The following RAP1A variants were observed in gnomAD, a reference collection of about 807,000 sequenced individuals.
RAP1A encodes ras-related protein Rap-1A.
In RAP1A, 6 loss-of-function variants were observed where a neutral mutation model predicts 26.4. That is an observed-to-expected ratio of 0.23 (90% CI 0.12 to 0.45). RAP1A has a LOEUF of 0.45. Ranked by LOEUF, RAP1A falls within the 20% of genes least tolerant of loss-of-function variation. RAP1A has a pLI of 0.99. For synonymous variants in RAP1A, 73 were observed against 79.4 expected, an observed-to-expected ratio of 0.92 and a Z score of 0.43; for missense variants, 121 against 217.2, an observed-to-expected ratio of 0.56 and a Z score of 2.78.
At chr1:111,663,741 A>G (rs890347016) in intron 1 of RAP1A, among the ~76,000 whole-genome samples, 1 of 152,226 alleles carries the variant, frequency 6.6e-6, no homozygotes, top group South Asian at 2.1e-4. Flanking sequence ...CTTTCATTCA[A>G]TAAATGTTTA....
intron 1 of RAP1A, among the ~76,000 whole-genome samples, chr1:111,595,782 A>G (rs1658554194): frequency 6.6e-6 from 1 of 152,224 alleles, no homozygotes; most frequent in Non-Finnish European, 1.5e-5. Flanking sequence ...TATGAATATC[A>G]TTAAATATTT....
intron 1 of RAP1A, among the ~76,000 whole-genome samples, chr1:111,581,926 T>G (rs958267598): frequency 6.6e-6 from 1 of 152,228 alleles, no homozygotes; most frequent in Non-Finnish European, 1.5e-5. Context: ...CACACTCTGG[T>G]GAGTGAGATA....
intron 1 of RAP1A, among the ~76,000 whole-genome samples, chr1:111,626,485 GT>G (rs911948725): frequency 1.3e-5 from 2 of 152,018 alleles, no homozygotes; most frequent in African/African-American, 4.8e-5. Flanking sequence ...GTCAGAAGTT[GT>G]TTTGTAGAAT....
At position 111,558,961 on chromosome 1, in the gene RAP1A, G is replaced by A. The variant is rs572022682; in HGVS notation, c.-28+16452G>A. Among the ~76,000 whole-genome samples the A allele has an allele frequency of 1.6e-3, 239 of 152,218 alleles. 1 individual carries two copies. Among genetic ancestry groups the A allele is most frequent in the African/African-American group, 5.7e-3 (235 of 41,532 alleles). On this transcript the variant is annotated intron_variant, in intron 1 of 7. Transcript: ENST00000356415. ...ACTTTTATAAAAATCAAGCATATAT[G>A]AGGTCATAAATTATATTCTAACATA...
At chr1:111,707,644 A>G (rs900508346) in intron 6 of RAP1A, among the ~76,000 whole-genome samples, 2 of 152,228 alleles carry the variant, frequency 1.3e-5, no homozygotes, top group Non-Finnish European at 2.9e-5. Flanking sequence ...ATTTTTTAAT[A>G]TACTGCAAAG....
At chr1:111,616,976 T>C (rs1659025117), upstream of RAP1A, among the ~76,000 whole-genome samples, 1 of 152,192 alleles carries the variant, frequency 6.6e-6, no homozygotes, top group Admixed American at 6.5e-5. Context: ...AGCCAGTACA[T>C]ATGGCACTCA....
At chr1:111,577,530 TGATCCCTGATGGTAATTTCTCCATAAACA>T (rs1408286341) in intron 1 of RAP1A, among the ~76,000 whole-genome samples, 5 of 151,632 alleles carry the variant, frequency 3.3e-5, no homozygotes, top group Non-Finnish European at 5.9e-5. Context: ...GTGGTCAAGA[TGATCCCTGATGGTAATTTCTCCATAAACA>T]GATTTTTTTA....
chr1:111,603,007 C>G (rs74666119), intron 1 of RAP1A, among the ~76,000 whole-genome samples: 1,584 of 152,268 alleles, frequency 0.01, 20 homozygotes, highest in African/African-American at 0.036. Flanking sequence ...CAGAGCCCTT[C>G]TTCCCCTCTT....
chr1:111,684,394 C>T (rs1661403169), intron 1 of RAP1A, among the ~76,000 whole-genome samples: 2 of 152,132 alleles, frequency 1.3e-5, no homozygotes, highest in Admixed American at 1.3e-4. Flanking sequence ...TTTAGAAAAC[C>T]CCATCGTCTC....
intron 1 of RAP1A, among the ~76,000 whole-genome samples, chr1:111,549,726 G>GAAT (rs1174571764): frequency 6.6e-6 from 1 of 151,488 alleles, no homozygotes; most frequent in Non-Finnish European, 1.5e-5. Flanking sequence ...ATAGCTCACT[G>GAAT]AAGCCTCAAA....
chr1:111,646,805 C>T (rs1660085833), intron 1 of RAP1A, among the ~76,000 whole-genome samples: 1 of 152,192 alleles, frequency 6.6e-6, no homozygotes, highest in Non-Finnish European at 1.5e-5. Flanking sequence ...TCCCAAAGTG[C>T]CGGGATTACA....
chr1:111,580,952 T>C (rs1045408519), intron 1 of RAP1A, among the ~76,000 whole-genome samples: 11 of 149,812 alleles, frequency 7.3e-5, no homozygotes, highest in African/African-American at 2.4e-4. Context: ...CTAGGGCCTG[T>C]GAAGGAGGGT....
At chr1:111,549,979 T>C (rs1194481038) in intron 1 of RAP1A, among the ~76,000 whole-genome samples, 2 of 152,138 alleles carry the variant, frequency 1.3e-5, no homozygotes, top group Non-Finnish European at 2.9e-5. Context: ...GTTGGAAGTT[T>C]TTTGATTACT....
chr1:111,558,928 A>T (rs1657623565), intron 1 of RAP1A, among the ~76,000 whole-genome samples: 1 of 152,182 alleles, frequency 6.6e-6, no homozygotes, highest in South Asian at 2.1e-4. Context: ...GTAACAAGTG[A>T]AAAGTATACT....
intron 1 of RAP1A, among the ~76,000 whole-genome samples, chr1:111,661,172 G>A (rs1032129930): frequency 6.6e-6 from 1 of 152,196 alleles, no homozygotes; most frequent in African/African-American, 2.4e-5. Context: ...GCAGACCCTT[G>A]TAAGCCATGT....
chr1:111,691,626 T>C (rs1327336722), intron 2 of RAP1A, among the ~76,000 whole-genome samples: 3 of 152,232 alleles, frequency 2.0e-5, no homozygotes, highest in African/African-American at 7.2e-5. Context: ...TTACCAAATA[T>C]TTATTGGCTA....
At chr1:111,624,482 A>G (rs1659332692) in intron 1 of RAP1A, among the ~76,000 whole-genome samples, 1 of 152,240 alleles carries the variant, frequency 6.6e-6, no homozygotes, top group South Asian at 2.1e-4. Flanking sequence ...TCTCCTGCAC[A>G]CAGTTGTGAG....
chr1:111,550,301 A>G (rs968451822), intron 1 of RAP1A, among the ~76,000 whole-genome samples: 1 of 152,020 alleles, frequency 6.6e-6, no homozygotes, highest in Non-Finnish European at 1.5e-5. Flanking sequence ...GATTTTCTCT[A>G]ATATTTTTCT....
intron 1 of RAP1A, among the ~76,000 whole-genome samples, chr1:111,641,280 A>C (rs1267644796): frequency 6.6e-6 from 1 of 152,168 alleles, no homozygotes; most frequent in African/African-American, 2.4e-5. Flanking sequence ...AGTTTTGTCA[A>C]GTTTCTCTCA....
Sources: allele counts gnomAD v4.1 joint callset (sites outside exome capture counted in the v4.1 genomes callset), GRCh38; gene constraint gnomAD v4.1.1; transcripts MANE v1.5; gene names NCBI Gene and HGNC (gene_info 2026-07-23, HGNC 2026-07-21).